Variants in MIA2 observed in about 807,000 individuals in gnomAD.
The protein encoded by MIA2 is MIA SH3 domain ER export factor 2.
Under a neutral mutation model 167.8 loss-of-function variants are expected in MIA2, and 127 were observed. The ratio of observed to expected loss-of-function variants is 0.76; its 90% CI spans 0.66 to 0.88. The LOEUF (loss-of-function observed/expected upper bound fraction) is 0.88. Among genes scored for constraint, MIA2 ranks in the 40% least tolerant of loss-of-function variants. The pLI, the probability that MIA2 is intolerant of heterozygous loss-of-function variation, is 0.00. For synonymous variants in MIA2, 552 were observed against 541.9 expected (o/e 1.02, Z -0.26); for missense variants, 1,690 against 1,624.7 (o/e 1.04, Z -0.69).
intron 25 of MIA2, among the ~76,000 whole-genome samples, chr14:39,330,211 C>T (rs2068507228): frequency 1.3e-5 from 2 of 152,092 alleles, no homozygotes; most frequent in Admixed American, 1.3e-4. Context: ...GTGTGTGTGT[C>T]CAGGAATTTA....
At chr14:39,377,869 A>G (rs773918855) in intron 23 of MIA2, among the ~76,000 whole-genome samples, 1 of 152,034 alleles carries the variant, frequency 6.6e-6, no homozygotes, top group East Asian at 1.9e-4. Context: ...TGTGCCTTCA[A>G]ATACCTGTGT....
At chr14:39,324,489 A>G (rs886954159) in intron 24 of MIA2, among the ~76,000 whole-genome samples, 1 of 152,246 alleles carries the variant, frequency 6.6e-6, no homozygotes, top group Non-Finnish European at 1.5e-5. Flanking sequence ...AAAGATTACT[A>G]TATATTAAAT....
chr14:39,253,920 T>C (rs1372227305), intron 6 of MIA2, among the ~76,000 whole-genome samples: 2 of 152,220 alleles, frequency 1.3e-5, no homozygotes, highest in Admixed American at 6.5e-5. Flanking sequence ...ATAGAAATAA[T>C]TGAGGAAGCA....
chr14:39,348,934 T>C lies in MIA2; in HGVS notation c.4029T>C (p.Phe1343=). The C allele has an allele frequency of 6.2e-7, 1 of 1,614,142 alleles. No homozygotes were observed. Among genetic ancestry groups the C allele is most frequent in the Non-Finnish European group, 8.5e-7 (1 of 1,179,994 alleles). Residue 1343 remains phenylalanine (F), a synonymous_variant, in exon 28 of 29, where the codon TTT becomes TTC. Transcript: ENST00000640607. ...GAMFGASRDY[F]PPGDFPGPPP... ...TGTTTGGAGCTTCTCGAGATTATTT[T>C]CCACCAGGGGATTTCCCAGGTCCAC...
chr14:39,374,693 T>G (rs1032672441), intron 23 of MIA2, among the ~76,000 whole-genome samples: 3 of 152,210 alleles, frequency 2.0e-5, no homozygotes, highest in African/African-American at 7.2e-5. Context: ...TATCAAGGTA[T>G]GTGTTCACAT....
rs560269144 is a variant in MIA2 at position 39,285,373 on chromosome 14, C to T, written c.2131-5646C>T. ...CCTCCCGGACGGGGCGGCGGCCGGGCGGGGGCTGCCCCCCACCTCCCTCCC... is the reference window on the plus strand; with the variant it reads ...CCTCCCGGACGGGGCGGCGGCCGGGTGGGGGCTGCCCCCCACCTCCCTCCC... On this transcript the variant is annotated intron_variant, in intron 9 of 28. Transcript: ENST00000640607. 2.0e-3 allele frequency among the ~76,000 whole-genome samples: 292 copies of T among 149,350 alleles called. 3 individuals carry two copies. Among genetic ancestry groups the T allele is most frequent in the Middle Eastern group, 3.6e-3 (1 of 276 alleles).
chr14:39,385,682 G>C (rs1404333938), intron 23 of MIA2: 1 of 977,526 alleles, frequency 1.0e-6, no homozygotes, highest in East Asian at 2.4e-5. Context: ...TCTTCAACTT[G>C]AGGGGCAGCT....
intron 3 of MIA2, among the ~76,000 whole-genome samples, chr14:39,242,548 C>T (rs902669701): frequency 3.9e-5 from 6 of 151,980 alleles, no homozygotes; most frequent in African/African-American, 1.4e-4. Flanking sequence ...GTCTTGAACT[C>T]CTGACCTCAA....
intron 25 of MIA2, among the ~76,000 whole-genome samples, chr14:39,337,707 TC>T (rs2070762222): frequency 6.6e-6 from 1 of 152,152 alleles, no homozygotes; most frequent in Non-Finnish European, 1.5e-5. Flanking sequence ...ACTGTGTTAT[TC>T]CATGTATATA....
intron 25 of MIA2, among the ~76,000 whole-genome samples, chr14:39,344,376 G>C (rs1297101117): frequency 1.3e-5 from 2 of 152,164 alleles, no homozygotes; most frequent in African/African-American, 2.4e-5. Context: ...ACTGAGTTTA[G>C]ATCTCAGTGA....
chr14:39,369,186 T>G (rs2074885136), intron 23 of MIA2, among the ~76,000 whole-genome samples: 3 of 152,286 alleles, frequency 2.0e-5, no homozygotes, highest in African/African-American at 7.2e-5. Context: ...GAGGGGAATC[T>G]GTGACTGACA....
intron 13 of MIA2, among the ~76,000 whole-genome samples, chr14:39,299,571 T>A (rs1456965398): frequency 6.6e-6 from 1 of 152,080 alleles, no homozygotes; most frequent in Non-Finnish European, 1.5e-5. Context: ...GCACAATGAT[T>A]TAAAAAATAA....
At chr14:39,333,854 T>G (rs947773378) in intron 25 of MIA2, among the ~76,000 whole-genome samples, 4 of 152,208 alleles carry the variant, frequency 2.6e-5, no homozygotes, top group African/African-American at 9.7e-5. Context: ...TGTGAGCTTC[T>G]AAATTGATAC....
intron 25 of MIA2, among the ~76,000 whole-genome samples, chr14:39,331,401 CTT>C (rs1201827146): frequency 1.3e-5 from 2 of 152,124 alleles, no homozygotes; most frequent in Non-Finnish European, 2.9e-5. Context: ...GGTCTTGACT[CTT>C]TATCCAATTT....
intron 23 of MIA2, among the ~76,000 whole-genome samples, chr14:39,359,806 T>G (rs2074632899): frequency 6.6e-6 from 1 of 152,198 alleles, no homozygotes; most frequent in Non-Finnish European, 1.5e-5. Flanking sequence ...GTGCAGGCCT[T>G]CCTTTTATAT....
chr14:39,298,522 A>T (rs1401927556), intron 13 of MIA2, among the ~76,000 whole-genome samples: 1 of 17,934 alleles, frequency 5.6e-5, no homozygotes, highest in East Asian at 2.0e-3. Flanking sequence ...ACTGTTTGGT[A>T]GAACAGAGTT....
chr14:39,263,947 C>G (rs759206569), intron 6 of MIA2, among the ~76,000 whole-genome samples: 1 of 151,992 alleles, frequency 6.6e-6, no homozygotes, highest in South Asian at 2.1e-4. Context: ...TCCTTTCTTT[C>G]TTATTTCCAT....
intron 3 of MIA2, among the ~76,000 whole-genome samples, chr14:39,242,672 C>A (rs2054104852): frequency 6.6e-6 from 1 of 152,082 alleles, no homozygotes; most frequent in African/African-American, 2.4e-5. Context: ...ACTGCAGAAT[C>A]CCAGCACCTA....
In MIA2 at chr14:39,234,210, T is replaced by G; in HGVS notation, c.96T>G (p.Cys32Trp). 1 of 1,607,852 alleles carries G rather than the reference T, an allele frequency of 6.2e-7. No homozygotes were observed. The highest frequency in any genetic ancestry group is 8.5e-7 in the Non-Finnish European group (1 of 1,177,052). ...STKLLADLKK[C>W]GDLECEALIN... The stretch of plus-strand genomic sequence containing the variant: ...AACTGCTGGCAGACCTTAAAAAATG[T>G]GGTGACTTGGAATGTGAAGGTAAGT... Residue 32 changes from cysteine (C) to tryptophan (W), a missense_variant, in exon 1 of 29, where the codon TGT becomes TGG. Transcript: ENST00000640607.
Sources: allele counts gnomAD v4.1 joint callset (sites outside exome capture counted in the v4.1 genomes callset), GRCh38; gene constraint gnomAD v4.1.1; transcripts MANE v1.5; gene names NCBI Gene and HGNC (gene_info 2026-07-23, HGNC 2026-07-21).